PDE3A: variants seen among roughly 807,000 people sequenced by gnomAD.
PDE3A encodes cGMP-inhibited 3',5'-cyclic phosphodiesterase 3A.
Under a neutral mutation model 98.3 loss-of-function variants are expected in PDE3A, and 43 were observed. The observed-to-expected ratio is 0.44, with a 90% CI of 0.34 to 0.56. PDE3A has a LOEUF of 0.56. PDE3A is among the 20% of genes least tolerant of loss of function. PDE3A has a pLI of 0.01. For synonymous variants in PDE3A, 663 were observed against 567.9 expected, an observed-to-expected ratio of 1.17 and a Z score of -2.38; for missense variants, 1,427 against 1,440.7, an observed-to-expected ratio of 0.99 and a Z score of 0.15.
At chr12:20,541,501 C>T (rs1054186244) in intron 1 of PDE3A, among the ~76,000 whole-genome samples, 1 of 152,016 alleles carries the variant, frequency 6.6e-6, no homozygotes, top group Admixed American at 6.6e-5. Context: ...GGTTCTTGTA[C>T]TTGTGGTAGG....
At chr12:20,454,069 A>G (rs1945113553) in intron 1 of PDE3A, among the ~76,000 whole-genome samples, 1 of 151,778 alleles carries the variant, frequency 6.6e-6, no homozygotes, top group Non-Finnish European at 1.5e-5. Flanking sequence ...CAGCAAACAC[A>G]TGGAAGGGAA....
At chr12:20,538,920 A>T (rs188119691) in intron 1 of PDE3A, among the ~76,000 whole-genome samples, 1 of 151,174 alleles carries the variant, frequency 6.6e-6, no homozygotes, top group Non-Finnish European at 1.5e-5. Context: ...TGTTGAGATT[A>T]CAAGTGTGAA....
At chr12:20,562,128 C>A (rs1054917567) in intron 2 of PDE3A, among the ~76,000 whole-genome samples, 1 of 151,718 alleles carries the variant, frequency 6.6e-6, no homozygotes, top group Middle Eastern at 3.2e-3. Context: ...TCTCAGAAGG[C>A]AATTACTTGT....
At chr12:20,381,092 G>A (rs978683720) in intron 1 of PDE3A, among the ~76,000 whole-genome samples, 13 of 151,724 alleles carry the variant, frequency 8.6e-5, no homozygotes, top group Admixed American at 2.0e-4. Flanking sequence ...TCCACTTCTC[G>A]TCATTCCTTT....
rs562180844 is a variant in PDE3A, at chr12:20,484,272, T to C, written c.961-72388T>C. ...TTGGGATTTTTATCTCTTAAAAGTA[T>C]GCTATGCTTAGTGGTATGTATATAA... On this transcript the variant is annotated intron_variant, in intron 1 of 15. Coordinates refer to ENST00000359062, the MANE Select transcript of PDE3A (RefSeq NM_000921.5). Among the ~76,000 whole-genome samples the C allele has an allele frequency of 9.2e-5, 14 of 152,354 alleles. 1 individual carries two copies. Among genetic ancestry groups the C allele is most frequent in the African/African-American group, 3.4e-4 (14 of 41,584 alleles).
intron 15 of PDE3A, among the ~76,000 whole-genome samples, chr12:20,659,116 C>T (rs1033541488): frequency 6.6e-6 from 1 of 152,026 alleles, no homozygotes; most frequent in Non-Finnish European, 1.5e-5. Flanking sequence ...AAAGTATTTG[C>T]CAGTTAGTTT....
chr12:20,649,920 C>CT (rs1431983301), intron 13 of PDE3A, among the ~76,000 whole-genome samples: 2 of 150,136 alleles, frequency 1.3e-5, no homozygotes, highest in East Asian at 4.0e-4. Flanking sequence ...GGGCAAGACT[C>CT]TGTCTCAAAA....
Position 20,552,301 on chromosome 12 carries a change from A to G in PDE3A, c.961-4359A>G. The G allele has an allele frequency of 6.2e-7, 1 of 1,613,890 alleles. No individual in the cohort carries two copies. The highest frequency in any genetic ancestry group is 8.5e-7 in the Non-Finnish European group (1 of 1,179,878). Reference sequence around the variant, plus strand: ...CGCTGAGGGCAACCGCTACGATGGCATCTACAAGGTTGTGAAATACTGGCC... The same window carrying G: ...CGCTGAGGGCAACCGCTACGATGGCGTCTACAAGGTTGTGAAATACTGGCC... On this transcript the variant is annotated intron_variant, in intron 1 of 15. Transcript: ENST00000359062. The surrounding 1 kb of genome is among the most constrained non-coding windows in gnomAD (Gnocchi z 5.1).
intron 1 of PDE3A, among the ~76,000 whole-genome samples, chr12:20,433,792 TC>T (rs1565547719): frequency 6.6e-6 from 1 of 152,174 alleles, no homozygotes; most frequent in East Asian, 1.9e-4. Context: ...GCCTTCAGAT[TC>T]ATTGTTTGTA....
chr12:20,376,597 T>C (rs1244466258), intron 1 of PDE3A, among the ~76,000 whole-genome samples: 1 of 151,996 alleles, frequency 6.6e-6, no homozygotes, highest in African/African-American at 2.4e-5. Flanking sequence ...AACAAAAGTA[T>C]TTAGCAGTGG....
intron 2 of PDE3A, among the ~76,000 whole-genome samples, chr12:20,601,266 T>G (rs542570339): frequency 6.6e-6 from 1 of 150,780 alleles, no homozygotes; most frequent in Admixed American, 6.6e-5. Context: ...TTGTTTGTTT[T>G]TTGGCTTGCT....
At chr12:20,507,480 A>G (rs193066793) in intron 1 of PDE3A, among the ~76,000 whole-genome samples, 1 of 152,178 alleles carries the variant, frequency 6.6e-6, no homozygotes, top group East Asian at 1.9e-4. Context: ...TAAGTGGCAG[A>G]CTGATAACTC....
chr12:20,387,638 A>G (rs1210122250), intron 1 of PDE3A, among the ~76,000 whole-genome samples: 1 of 152,020 alleles, frequency 6.6e-6, no homozygotes, highest in Admixed American at 6.6e-5. Context: ...AACTCAGACT[A>G]TCTGTTGACA....
At chr12:20,460,464 A>G (rs1945227566) in intron 1 of PDE3A, among the ~76,000 whole-genome samples, 1 of 152,234 alleles carries the variant, frequency 6.6e-6, no homozygotes, top group Non-Finnish European at 1.5e-5. Context: ...GATGGTATCA[A>G]GAAAGATATA....
intron 12 of PDE3A, 71 bp from the exon 13 acceptor site, chr12:20,648,617 A>G (rs1944831699): frequency 2.1e-6 from 2 of 949,592 alleles, no homozygotes; most frequent in African/African-American, 1.6e-5. Context: ...TTTCAAAAGC[A>G]TTGCATATTC....
At chr12:20,654,341 C>A in intron 15 of PDE3A, 136 bp downstream of exon 15, 1 of 709,274 alleles carries the variant, frequency 1.4e-6, no homozygotes, top group Non-Finnish European at 2.4e-6. Context: ...CGGATAGCTC[C>A]CTTCCCCAAT....
chr12:20,574,053 T>A (rs749639489), intron 2 of PDE3A, among the ~76,000 whole-genome samples: 2 of 152,106 alleles, frequency 1.3e-5, no homozygotes, highest in Non-Finnish European at 2.9e-5. Flanking sequence ...GCCAAACCTA[T>A]ATAGCTCTTT....
intron 1 of PDE3A, among the ~76,000 whole-genome samples, chr12:20,540,869 G>A (rs750372086): frequency 2.6e-5 from 4 of 151,858 alleles, no homozygotes; most frequent in Non-Finnish European, 5.9e-5. Flanking sequence ...GGTGAAACAT[G>A]TTTTACGGTA....
chr12:20,372,738 G>A (rs570692768), intron 1 of PDE3A, among the ~76,000 whole-genome samples: 4 of 152,090 alleles, frequency 2.6e-5, no homozygotes, highest in South Asian at 2.1e-4. Flanking sequence ...CTTTTTTTCT[G>A]AAGGAATGTC....
Sources: allele counts gnomAD v4.1 joint callset (sites outside exome capture counted in the v4.1 genomes callset), GRCh38; gene constraint gnomAD v4.1.1; non-coding constraint Gnocchi (gnomAD v3.1); transcripts MANE v1.5; gene names NCBI Gene and HGNC (gene_info 2026-07-23, HGNC 2026-07-21).